Variants in COL21A1 observed in about 807,000 individuals in gnomAD.
COL21A1 encodes collagen alpha-1(XXI) chain.
A neutral mutation model predicts 137.9 loss-of-function variants in COL21A1; 149 were observed. The ratio of observed to expected loss-of-function variants is 1.08; its 90% CI spans 0.95 to 1.24. The LOEUF is 1.24. Among genes scored for constraint, COL21A1 ranks in the 50% most tolerant of loss-of-function variants. The probability of loss-of-function intolerance (pLI) is 0.00; values close to 1 mark genes in which losing one functional copy is unlikely to be tolerated. For missense variants in COL21A1, 1,167 were observed against 1,158.4 expected (o/e 1.01, Z -0.11); for synonymous variants, 456 against 391.5 (o/e 1.16, Z -1.95).
At chr6:56,308,892 A>G (rs1764534126) in intron 1 of COL21A1, among the ~76,000 whole-genome samples, 1 of 152,192 alleles carries the variant, frequency 6.6e-6, no homozygotes, top group Admixed American at 6.5e-5. Flanking sequence ...AAGTAGGTCC[A>G]TAAGAGTGGC....
chr6:56,085,337 A>G (rs1358494973), intron 17 of COL21A1, among the ~76,000 whole-genome samples: 1 of 152,100 alleles, frequency 6.6e-6, no homozygotes, highest in African/African-American at 2.4e-5. Context: ...CTTCAATTGC[A>G]TATAGATGTA....
chr6:56,383,552 G>T (rs2094012356), intron 1 of COL21A1, among the ~76,000 whole-genome samples: 1 of 152,120 alleles, frequency 6.6e-6, no homozygotes. Flanking sequence ...AGACAGAGTA[G>T]GTCTCCTGAA....
rs139170764 is a variant in COL21A1 at position 56,099,827 on chromosome 6, A to G, written c.1812+1645T>C. The stretch of plus-strand genomic sequence containing the variant: ...ACATATGTTGAGCTCATGCTACCCT[A>G]TTGAACCCACTCCATGCTTATTAAT... On this transcript the variant is annotated intron_variant, in intron 17 of 29. Coordinates refer to ENST00000244728, the MANE Select transcript of COL21A1 (RefSeq NM_030820.4). 1.4e-3 allele frequency among the ~76,000 whole-genome samples: 209 copies of G among 152,138 alleles called. 1 individual carries two copies. The highest frequency in any genetic ancestry group is 3.4e-3 in the Middle Eastern group (1 of 294).
chr6:56,324,751 C>A (rs1764959963), intron 1 of COL21A1, among the ~76,000 whole-genome samples: 1 of 151,952 alleles, frequency 6.6e-6, no homozygotes, highest in African/African-American at 2.4e-5. Flanking sequence ...ACATACTACC[C>A]AAATCATTGA....
At chr6:56,392,810 T>C (rs1040626713) in intron 1 of COL21A1, among the ~76,000 whole-genome samples, 23 of 151,944 alleles carry the variant, frequency 1.5e-4, no homozygotes, top group Admixed American at 9.2e-4. Context: ...ATCTCTACAA[T>C]GAAAACTATA....
At chr6:56,381,206 AT>A (rs1464536674) in intron 1 of COL21A1, among the ~76,000 whole-genome samples, 1 of 152,110 alleles carries the variant, frequency 6.6e-6, no homozygotes, top group Non-Finnish European at 1.5e-5. Context: ...AATTTTGCTT[AT>A]TTTGGGGGCA....
intron 1 of COL21A1, among the ~76,000 whole-genome samples, chr6:56,321,311 A>T (rs1435237303): frequency 1.3e-5 from 2 of 152,086 alleles, no homozygotes; most frequent in African/African-American, 4.8e-5. Flanking sequence ...TGCCCATTAT[A>T]AAAAAAATTG....
chr6:56,330,624 C>A (rs919164868), intron 1 of COL21A1, among the ~76,000 whole-genome samples: 3 of 151,910 alleles, frequency 2.0e-5, no homozygotes, highest in Non-Finnish European at 4.4e-5. Flanking sequence ...AACATTGTAC[C>A]CAATAAGTAA....
At position 56,169,488 on chromosome 6, in the gene COL21A1, T is replaced by C. The variant is rs548294264; in HGVS notation, c.1026+1161A>G. Among the ~76,000 whole-genome samples the C allele has an allele frequency of 2.0e-5, 3 of 152,004 alleles. 1 individual carries two copies. In the South Asian group the frequency reaches 6.2e-4, roughly 31 times the overall value. The stretch of plus-strand genomic sequence containing the variant: ...AAGTCCAAACCACATTATATGGCTT[T>C]CCAGGCCCCTCATAAATTGGGCTTA... On this transcript the variant is annotated intron_variant, in intron 5 of 29. Transcript: ENST00000244728.
chr6:56,250,739 GCAA>G (rs1400672674), upstream of COL21A1, among the ~76,000 whole-genome samples: 16 of 152,252 alleles, frequency 1.1e-4, no homozygotes, highest in East Asian at 2.9e-3. Flanking sequence ...AATTTGTCAT[GCAA>G]CAACAGAAAA....
chr6:56,102,505 A>C (rs1173635615), intron 16 of COL21A1, among the ~76,000 whole-genome samples: 3 of 152,192 alleles, frequency 2.0e-5, no homozygotes, highest in Non-Finnish European at 4.4e-5. Context: ...AGGTAAAATA[A>C]AAGCATTTTT....
intron 3 of COL21A1, among the ~76,000 whole-genome samples, chr6:56,178,429 G>T (rs961427060): frequency 5.9e-5 from 9 of 151,946 alleles, no homozygotes; most frequent in Admixed American, 2.0e-4. Flanking sequence ...TCTTAAATAT[G>T]AAAATTTAAA....
intron 1 of COL21A1, among the ~76,000 whole-genome samples, chr6:56,291,021 C>T (rs7754470): frequency 0.014 from 2,068 of 152,176 alleles, 21 homozygotes; most frequent in South Asian, 0.025. Flanking sequence ...CTGGGCATTA[C>T]CCGGGAGCTT....
chr6:56,183,594 TAGAG>T (rs1561958916), intron 1 of COL21A1, among the ~76,000 whole-genome samples: 1 of 152,122 alleles, frequency 6.6e-6, no homozygotes, highest in African/African-American at 2.4e-5. Flanking sequence ...TAGAACAGCC[TAGAG>T]AGAGTCTGTC....
At chr6:56,288,233 T>C (rs1034263288) in intron 1 of COL21A1, among the ~76,000 whole-genome samples, 2 of 132,690 alleles carry the variant, frequency 1.5e-5, no homozygotes, top group African/African-American at 6.1e-5. Flanking sequence ...CTCCAGCTTA[T>C]TACATTTTAA....
chr6:56,275,704 A>G (rs1348778298), intron 1 of COL21A1, among the ~76,000 whole-genome samples: 1 of 149,576 alleles, frequency 6.7e-6, no homozygotes, highest in Non-Finnish European at 1.5e-5. Flanking sequence ...AATGGCTATT[A>G]TTAAAAAGTC....
chr6:56,063,598 T>C (rs914090555), intron 24 of COL21A1, among the ~76,000 whole-genome samples: 2 of 152,082 alleles, frequency 1.3e-5, no homozygotes, highest in Non-Finnish European at 2.9e-5. Flanking sequence ...ACTTTTACTT[T>C]TATTGTTAGC....
chr6:56,067,212 AAAG>A, intron 23 of COL21A1, 80 bp downstream of exon 23: 1 of 1,131,424 alleles, frequency 8.8e-7, no homozygotes, highest in East Asian at 2.5e-5. Flanking sequence ...GTTGAAACAG[AAAG>A]GAATTTAAAA....
intron 1 of COL21A1, among the ~76,000 whole-genome samples, chr6:56,196,024 A>T (rs148607501): frequency 1.2e-4 from 19 of 152,298 alleles, no homozygotes; most frequent in African/African-American, 3.6e-4. Context: ...CATATGCATG[A>T]CCTAGTGGGA....
Sources: allele counts gnomAD v4.1 joint callset (sites outside exome capture counted in the v4.1 genomes callset), GRCh38; gene constraint gnomAD v4.1.1; transcripts MANE v1.5; gene names NCBI Gene and HGNC (gene_info 2026-07-23, HGNC 2026-07-21).